TVP23B: variants seen among roughly 807,000 people sequenced by gnomAD.
The protein encoded by TVP23B is Golgi apparatus membrane protein TVP23 homolog B.
Under a neutral mutation model 30.6 loss-of-function variants are expected in TVP23B, and 10 were observed. The observed-to-expected ratio is 0.33, with a 90% CI of 0.20 to 0.55. The LOEUF is 0.55. TVP23B is among the 20% of genes least tolerant of loss of function. TVP23B has a pLI of 0.91. For missense variants in TVP23B, 153 were observed against 243.2 expected (o/e 0.63, Z 2.47); for synonymous variants, 67 against 83.1 (o/e 0.81, Z 1.06).
rs1482236445 is a variant in TVP23B at position 18,790,965 on chromosome 17, G to A, written c.165G>A (p.Gly55=). The change falls in exon 3 of 7, where the codon GGG becomes GGA. Residue 55 remains glycine (G), a synonymous_variant. Transcript: ENST00000307767. ...VSAIIVYLLC[G]LLSSSFITCM... is the part of the protein sequence containing the mutation. ...CAATCATCGTCTATCTTCTCTGTGGGTTGCTCAGCAGCAGCTTTATTACCT... is the reference window on the plus strand; with the variant it reads ...CAATCATCGTCTATCTTCTCTGTGGATTGCTCAGCAGCAGCTTTATTACCT... The A allele has an allele frequency of 1.9e-6, 3 of 1,612,298 alleles. No individual in the cohort carries two copies. Among genetic ancestry groups the A allele is most frequent in the Non-Finnish European group, 8.5e-7 (1 of 1,179,492 alleles).
chr17:18,790,200 C>T (rs577362648), intron 2 of TVP23B, among the ~76,000 whole-genome samples: 2 of 152,320 alleles, frequency 1.3e-5, no homozygotes, highest in South Asian at 2.1e-4. Context: ...CACGATGGCT[C>T]ATGCCTGTAA....
intron 5 of TVP23B, among the ~76,000 whole-genome samples, chr17:18,802,769 T>G (rs965305322): frequency 3.3e-5 from 5 of 152,226 alleles, no homozygotes; most frequent in Non-Finnish European, 5.9e-5. Context: ...TTGTTGCCAT[T>G]GAGTAAATCG....
At chr17:18,800,640 T>G (rs2036147766) in intron 5 of TVP23B, among the ~76,000 whole-genome samples, 1 of 152,154 alleles carries the variant, frequency 6.6e-6, no homozygotes, top group African/African-American at 2.4e-5. Flanking sequence ...GGTGTTTTTT[T>G]TTTTAGTTCA....
At chr17:18,793,885 T>G (rs1468681426) in intron 3 of TVP23B, among the ~76,000 whole-genome samples, 1 of 151,972 alleles carries the variant, frequency 6.6e-6, no homozygotes, top group Non-Finnish European at 1.5e-5. Flanking sequence ...ACAACATTAA[T>G]GACATTAGAA....
At chr17:18,786,964 A>G (rs988414950) in intron 1 of TVP23B, among the ~76,000 whole-genome samples, 1 of 149,130 alleles carries the variant, frequency 6.7e-6, no homozygotes, top group Non-Finnish European at 1.5e-5. Flanking sequence ...CCTGGCTCCC[A>G]TTTGCACTTA....
chr17:18,783,657 ATTC>A (rs2035849127), intron 1 of TVP23B, among the ~76,000 whole-genome samples: 1 of 152,146 alleles, frequency 6.6e-6, no homozygotes, highest in South Asian at 2.1e-4. Flanking sequence ...AGGGTCTCAT[ATTC>A]TTTTATGATA....
chr17:18,789,151 G>A (rs146913131), intron 1 of TVP23B: 33 of 781,772 alleles, frequency 4.2e-5, no homozygotes, highest in South Asian at 2.6e-4. Context: ...CTGAGACTTC[G>A]ATTATTCTCT....
intron 6 of TVP23B, 33 bp downstream of exon 6, chr17:18,804,299 T>G (rs764473296): frequency 7.0e-6 from 11 of 1,580,180 alleles, no homozygotes; most frequent in Non-Finnish European, 7.8e-6. Flanking sequence ...CAGTGACTAA[T>G]GCAATTATTT....
intron 1 of TVP23B, among the ~76,000 whole-genome samples, chr17:18,784,770 C>A (rs1429280942): frequency 6.6e-6 from 1 of 152,230 alleles, no homozygotes; most frequent in African/African-American, 2.4e-5. Flanking sequence ...AGGACACTAC[C>A]CCCTCCTGGC....
chr17:18,790,723 GT>G (rs1429594679), intron 2 of TVP23B, among the ~76,000 whole-genome samples, 172 bp from the exon 3 acceptor site: 1 of 152,184 alleles, frequency 6.6e-6, no homozygotes, highest in Non-Finnish European at 1.5e-5. Flanking sequence ...TAGTCAAATA[GT>G]GGGGCTTAAG....
At chr17:18,785,492 C>T (rs1309080186) in intron 1 of TVP23B, among the ~76,000 whole-genome samples, 2 of 150,832 alleles carry the variant, frequency 1.3e-5, no homozygotes, top group Non-Finnish European at 2.9e-5. Flanking sequence ...TTTCAAAGAG[C>T]AGGGTAAGAG....
chr17:18,793,049 C>T lies in TVP23B; in HGVS notation c.240+2009C>T, dbSNP rs201560058. The stretch of plus-strand genomic sequence containing the variant: ...TAGCTGATGAGCTTAAAAAAAAAAT[C>T]GCACACAAAAAAATCTCATAATGTT... On this transcript the variant is annotated intron_variant, in intron 3 of 6. Transcript: ENST00000307767. Among the ~76,000 whole-genome samples the T allele has an allele frequency of 1.1e-4, 17 of 149,256 alleles. No homozygotes were observed. In the East Asian group the frequency reaches 2.9e-3, roughly 25 times the overall value.
intron 5 of TVP23B, among the ~76,000 whole-genome samples, chr17:18,800,162 T>C (rs200072387): frequency 1.3e-5 from 2 of 151,820 alleles, no homozygotes; most frequent in Admixed American, 6.6e-5. Flanking sequence ...TGGTTTTCTT[T>C]GTAACATTAA....
intron 1 of TVP23B, chr17:18,781,631 T>G (rs2035809391): frequency 2.5e-6 from 1 of 397,434 alleles, no homozygotes; most frequent in East Asian, 3.9e-5. Context: ...TGCGGGCCTC[T>G]TAGCTTCCTG....
At chr17:18,787,413 A>AAC (rs913703950) in intron 1 of TVP23B, among the ~76,000 whole-genome samples, 4 of 150,052 alleles carry the variant, frequency 2.7e-5, no homozygotes, top group Admixed American at 6.6e-5. Flanking sequence ...AAAAAAAAAA[A>AAC]AAAAAACCTT....
At chr17:18,789,533 A>G (rs1195887247) in intron 2 of TVP23B, 98 bp downstream of exon 2, 3 of 1,514,376 alleles carry the variant, frequency 2.0e-6, no homozygotes, top group African/African-American at 1.4e-5. Context: ...AGTTGTTTCA[A>G]TGTGCTTGTG....
At chr17:18,783,912 C>T (rs1223685954) in intron 1 of TVP23B, among the ~76,000 whole-genome samples, 3 of 151,950 alleles carry the variant, frequency 2.0e-5, no homozygotes, top group Non-Finnish European at 2.9e-5. Context: ...TTTGGGAGGC[C>T]GAAGCGGGTG....
intron 1 of TVP23B, 29 bp downstream of exon 1, chr17:18,781,334 T>C (rs746035332): frequency 1.3e-6 from 2 of 1,568,776 alleles, no homozygotes; most frequent in East Asian, 4.7e-5. Context: ...GCTGGGAGGG[T>C]GGCGGCTCCT....
At chr17:18,803,762 T>C (rs1398317232) in intron 5 of TVP23B, among the ~76,000 whole-genome samples, 1 of 152,246 alleles carries the variant, frequency 6.6e-6, no homozygotes. Flanking sequence ...GTAATTCTTA[T>C]AGGAATAATT....
Sources: gnomAD v4.1 joint callset for allele counts (sites outside exome capture counted in the v4.1 genomes callset) on GRCh38, gnomAD v4.1.1 for gene constraint, MANE v1.5 for transcripts, NCBI Gene and HGNC (gene_info 2026-07-23, HGNC 2026-07-21) for gene names.